The following PTK7 variants were observed in gnomAD, a reference collection of about 807,000 sequenced individuals.
PTK7 encodes the protein inactive tyrosine-protein kinase 7.
Under a neutral mutation model 116.6 loss-of-function variants are expected in PTK7, and 39 were observed. That is an observed-to-expected ratio of 0.33 (90% CI 0.26 to 0.44). PTK7 has a LOEUF of 0.44. PTK7 is among the 20% of genes least tolerant of loss of function. The pLI is 1.00. For missense variants in PTK7, 1,169 were observed against 1,425.6 expected (o/e 0.82, Z 2.90); for synonymous variants, 546 against 563.6 (o/e 0.97, Z 0.44).
At chr6:43,103,328 C>G (rs1400788136) in intron 1 of PTK7, among the ~76,000 whole-genome samples, 1 of 152,134 alleles carries the variant, frequency 6.6e-6, no homozygotes. Context: ...ATCAGAGTAT[C>G]ACTTTTATTT....
intron 1 of PTK7, among the ~76,000 whole-genome samples, chr6:43,113,393 A>T (rs1304635623): frequency 6.6e-6 from 1 of 152,068 alleles, no homozygotes; most frequent in Admixed American, 6.6e-5. Flanking sequence ...AGATCGCACC[A>T]CTGCACTCCA....
chr6:43,115,178 C>T lies in PTK7; in HGVS notation c.80-13799C>T, dbSNP rs528515973. 3.3e-5 allele frequency among the ~76,000 whole-genome samples: 5 copies of T among 151,670 alleles called. 1 individual carries two copies. The South Asian group carries it at 1.0e-3, about 32-fold the overall frequency. On this transcript the variant is annotated intron_variant, in intron 1 of 19. Coordinates refer to ENST00000230419, the MANE Select transcript of PTK7 (RefSeq NM_002821.5). ...TATTTTGCTATCTTTAGCCAGAATG[C>T]TTTTTCTAAACAGCTGATTTTTTTT...
intron 1 of PTK7, among the ~76,000 whole-genome samples, chr6:43,111,945 G>A (rs781317053): frequency 1.5e-4 from 22 of 151,656 alleles, no homozygotes; most frequent in Non-Finnish European, 2.2e-4. Context: ...GCCTCCCAAA[G>A]TGCTGGGATT....
Position 43,144,551 on chromosome 6 carries a change from C to T in PTK7, c.2352C>T (p.Ser784=), listed in dbSNP as rs1292247163. 1.5e-5 allele frequency: 24 copies of T among 1,614,068 alleles called. No individual in the cohort carries two copies. In the Admixed American group the frequency reaches 2.3e-4, roughly 16 times the overall value. The change falls in exon 15 of 20, where the codon AGC becomes AGT. Residue 784 remains serine (S), a synonymous_variant. Transcript: ENST00000230419. ...SGPAATNKRH[S]TSDKMHFPRS... is the part of the protein sequence containing the mutation. ...CCGCGGCCACCAACAAACGCCACAG[C>T]ACAAGTGATAAGATGCACTTCCCAC... is the stretch of plus-strand genomic sequence containing the variant.
At chr6:43,115,302 C>T (rs1014050317) in intron 1 of PTK7, among the ~76,000 whole-genome samples, 15 of 151,748 alleles carry the variant, frequency 9.9e-5, no homozygotes, top group Non-Finnish European at 1.9e-4. Flanking sequence ...TTAAAATATA[C>T]ATTAATATTT....
chr6:43,081,386 GT>G (rs990294198), intron 1 of PTK7, among the ~76,000 whole-genome samples: 1 of 151,972 alleles, frequency 6.6e-6, no homozygotes, highest in Non-Finnish European at 1.5e-5. Context: ...TATGTAGGTG[GT>G]TTTTTTGTTT....
chr6:43,157,364 AT>A (rs1293389236), intron 17 of PTK7, among the ~76,000 whole-genome samples: 1 of 54,364 alleles, frequency 1.8e-5, no homozygotes, highest in Non-Finnish European at 3.3e-5. Flanking sequence ...ATATATATAT[AT>A]TTTTTTTTTT....
chr6:43,130,488 C>T (rs1769597664), intron 4 of PTK7, 23 bp from the exon 5 acceptor site: 1 of 1,612,046 alleles, frequency 6.2e-7, no homozygotes, highest in Non-Finnish European at 8.5e-7. Flanking sequence ...AGGCTGCATG[C>T]TCCCCCATCT....
At chr6:43,132,992 G>A (rs1769798447) in intron 7 of PTK7, 1 of 502,176 alleles carries the variant, frequency 2.0e-6, no homozygotes, top group African/African-American at 1.9e-5. Flanking sequence ...TGCACAGAGT[G>A]ACGATGGTAG....
At chr6:43,147,086 T>C (rs536937721) in intron 17 of PTK7, among the ~76,000 whole-genome samples, 19 of 152,346 alleles carry the variant, frequency 1.2e-4, no homozygotes, top group Non-Finnish European at 2.4e-4. Context: ...AGGGGCCTGC[T>C]GGGCTAGCTG....
intron 1 of PTK7, among the ~76,000 whole-genome samples, chr6:43,084,683 G>A (rs1766560431): frequency 6.6e-6 from 1 of 152,180 alleles, no homozygotes; most frequent in Non-Finnish European, 1.5e-5. Context: ...GGAGAAACGT[G>A]AATCAGATGA....
intron 1 of PTK7, among the ~76,000 whole-genome samples, chr6:43,095,963 A>G (rs1767227489): frequency 1.3e-5 from 2 of 152,214 alleles, no homozygotes; most frequent in Admixed American, 1.3e-4. Flanking sequence ...TAATGCAGCT[A>G]CACAGATATG....
Position 43,141,746 on chromosome 6 carries a change from G to A in PTK7, c.1697G>A (p.Gly566Asp). 6.2e-7 allele frequency: 1 copy of A among 1,614,084 alleles called. No individual in the cohort carries two copies. The highest frequency in any genetic ancestry group is 8.5e-7 in the Non-Finnish European group (1 of 1,180,022). Residue 566 changes from glycine to aspartate, a missense_variant, in exon 11 of 20, where the codon GGC (glycine) becomes GAC (aspartate). Gly to Asp is a moderately conservative substitution (Grantham distance 94). Around this residue, in one of 3 missense-constraint regions of PTK7, gnomAD observed 678 missense variants for 853.8 expected, o/e 0.79. Coordinates refer to ENST00000230419, the MANE Select transcript of PTK7 (RefSeq NM_002821.5). This position sits in a 1 kb window ranked among gnomAD's most constrained non-coding sequence, Gnocchi z 4.9. ...GCCCGGGTGACTCGAGATGACGCTG[G>A]CAACTACACTTGCATTGCCTCCAAC... Reference protein sequence around the residue: ...HFARVTRDDAGNYTCIASNGP... With the variant: ...HFARVTRDDADNYTCIASNGP...
At chr6:43,106,807 G>C (rs1467569089) in intron 1 of PTK7, among the ~76,000 whole-genome samples, 1 of 151,540 alleles carries the variant, frequency 6.6e-6, no homozygotes, top group East Asian at 1.9e-4. Context: ...GTACAGACGG[G>C]GTTTTACCAT....
At position 43,121,065 on chromosome 6, in the gene PTK7, T is replaced by G. The variant is rs938211297; in HGVS notation, c.80-7912T>G. ...CATGTGCCATGTTTCTGTTTTTTTT[T>G]TTTTTTTTTTTGACTATGTTGCTCA... is the stretch of plus-strand genomic sequence containing the variant. On this transcript the variant is annotated intron_variant, in intron 1 of 19. Coordinates refer to ENST00000230419, the MANE Select transcript of PTK7 (RefSeq NM_002821.5). Among the ~76,000 whole-genome samples the G allele has an allele frequency of 1.9e-4, 28 of 150,920 alleles. 1 individual carries two copies. The highest frequency in any genetic ancestry group is 3.3e-4 in the Admixed American group (5 of 15,176).
At chr6:43,097,634 C>T (rs1247114018) in intron 1 of PTK7, among the ~76,000 whole-genome samples, 7 of 152,140 alleles carry the variant, frequency 4.6e-5, no homozygotes, top group Non-Finnish European at 8.8e-5. Flanking sequence ...AGTTCAAATG[C>T]GGGGCATTGC....
chr6:43,091,257 T>G (rs112203460), intron 1 of PTK7, among the ~76,000 whole-genome samples: 4 of 150,974 alleles, frequency 2.6e-5, no homozygotes, highest in African/African-American at 9.7e-5. Context: ...GTCTCCTGGG[T>G]TCAAGTGACC....
intron 17 of PTK7, among the ~76,000 whole-genome samples, chr6:43,158,197 G>GCCT (rs1771629933): frequency 6.6e-6 from 1 of 151,908 alleles, no homozygotes; most frequent in Admixed American, 6.6e-5. Context: ...TACTCGGGAG[G>GCCT]CTGAGTCAGG....
At chr6:43,102,766 T>G (rs1767658414) in intron 1 of PTK7, among the ~76,000 whole-genome samples, 1 of 152,152 alleles carries the variant, frequency 6.6e-6, no homozygotes, top group African/African-American at 2.4e-5. Context: ...TGCATTAAAA[T>G]GAAGTTACTA....
Sources: gnomAD v4.1 joint callset for allele counts (sites outside exome capture counted in the v4.1 genomes callset) on GRCh38, gnomAD v4.1.1 for gene constraint, gnomAD v4.1.1 regional missense constraint, Gnocchi (gnomAD v3.1) non-coding constraint, MANE v1.5 for transcripts, NCBI Gene and HGNC (gene_info 2026-07-23, HGNC 2026-07-21) for gene names.